Variants in EFCAB11 observed in about 807,000 individuals in gnomAD.
EFCAB11 encodes EF-hand calcium binding domain 11.
A neutral mutation model predicts 23.0 loss-of-function variants in EFCAB11; 14 were observed. The ratio of observed to expected loss-of-function variants is 0.61; its 90% confidence interval spans 0.40 to 0.95. The LOEUF (loss-of-function observed/expected upper bound fraction) is 0.95. Among genes scored for constraint, EFCAB11 ranks in the 40% least tolerant of loss-of-function variants. The pLI, the probability that EFCAB11 is intolerant of heterozygous loss-of-function variation, is 0.00. For synonymous variants in EFCAB11, 65 were observed against 66.6 expected (o/e 0.98, Z 0.11); for missense variants, 198 against 195.8 (o/e 1.01, Z -0.07).
intron 5 of EFCAB11, among the ~76,000 whole-genome samples, chr14:89,846,814 C>T (rs1887445561): frequency 6.6e-6 from 1 of 152,158 alleles, no homozygotes; most frequent in South Asian, 2.1e-4. Flanking sequence ...GTCTTTAGTT[C>T]TCTGCCTCCT....
At chr14:89,818,665 A>G (rs1289991694) in intron 5 of EFCAB11, among the ~76,000 whole-genome samples, 1 of 152,264 alleles carries the variant, frequency 6.6e-6, no homozygotes, top group Non-Finnish European at 1.5e-5. Context: ...CAATACATAA[A>G]GAACTCTCAA....
chr14:89,866,545 T>A (rs1888097501), intron 5 of EFCAB11, among the ~76,000 whole-genome samples: 2 of 151,984 alleles, frequency 1.3e-5, no homozygotes, highest in African/African-American at 4.8e-5. Flanking sequence ...GCACCAAGAG[T>A]GTTTCCTCCC....
chr14:89,875,002 G>T (rs1394574331), intron 5 of EFCAB11, among the ~76,000 whole-genome samples: 3 of 152,150 alleles, frequency 2.0e-5, no homozygotes, highest in Non-Finnish European at 2.9e-5. Flanking sequence ...CAGATCTTTG[G>T]GATGGGGGCA....
At chr14:89,879,087 A>G (rs1888527178) in intron 5 of EFCAB11, among the ~76,000 whole-genome samples, 1 of 151,874 alleles carries the variant, frequency 6.6e-6, no homozygotes, top group South Asian at 2.1e-4. Context: ...TCCTCTGATC[A>G]TTACTAAACT....
intron 5 of EFCAB11, among the ~76,000 whole-genome samples, chr14:89,875,513 G>A (rs925470690): frequency 3.9e-5 from 6 of 152,300 alleles, no homozygotes; most frequent in Admixed American, 2.6e-4. Context: ...GGTGGTAGAC[G>A]AGACAGAATT....
chr14:89,839,056 T>C (rs1887175637), intron 5 of EFCAB11, among the ~76,000 whole-genome samples: 2 of 152,162 alleles, frequency 1.3e-5, no homozygotes, highest in Admixed American at 6.5e-5. Context: ...GACAGTATTA[T>C]GGACAGAGGA....
At chr14:89,865,146 C>A (rs541266272) in intron 5 of EFCAB11, among the ~76,000 whole-genome samples, 4 of 152,178 alleles carry the variant, frequency 2.6e-5, no homozygotes, top group Non-Finnish European at 5.9e-5. Context: ...ACCACTGACA[C>A]GGGGCAAGGG....
At chr14:89,810,846 G>A (rs532734558) in intron 5 of EFCAB11, among the ~76,000 whole-genome samples, 6 of 152,016 alleles carry the variant, frequency 3.9e-5, no homozygotes, top group Non-Finnish European at 5.9e-5. Context: ...ACGCACAGTA[G>A]GTTCTGAAGA....
intron 5 of EFCAB11, among the ~76,000 whole-genome samples, chr14:89,870,402 C>T (rs368895090): frequency 1.5e-4 from 23 of 151,962 alleles, no homozygotes; most frequent in Non-Finnish European, 2.4e-4. Context: ...AGGGCTTTTA[C>T]GGGAAGACAC....
chr14:89,947,331 T>C (rs1035981955), intron 3 of EFCAB11, among the ~76,000 whole-genome samples: 50 of 152,172 alleles, frequency 3.3e-4, no homozygotes, highest in African/African-American at 1.1e-3. Flanking sequence ...CTCTCTCATC[T>C]TCCTTCCTCC....
intron 5 of EFCAB11, among the ~76,000 whole-genome samples, chr14:89,870,939 C>CAAAACA (rs546217128): frequency 1.4e-3 from 211 of 152,160 alleles, no homozygotes; most frequent in African/African-American, 4.5e-3. Flanking sequence ...GATTTTGTCT[C>CAAAACA]AAAACAAAAA....
chr14:89,913,716 C>T lies in EFCAB11; in HGVS notation c.410+17825G>A, dbSNP rs143847540. 2.4e-3 allele frequency among the ~76,000 whole-genome samples: 360 copies of T among 152,298 alleles called. 2 individuals carry two copies. The highest frequency in any genetic ancestry group is 8.1e-3 in the African/African-American group (338 of 41,566). ...CACGCTGAAGGCTTCTTCTGATTTG[C>T]TCATTCTTCCAAACATGATGCTATC... On this transcript the variant is annotated intron_variant, in intron 5 of 5. Coordinates refer to ENST00000316738, the MANE Select transcript of EFCAB11 (RefSeq NM_145231.4).
intron 5 of EFCAB11, among the ~76,000 whole-genome samples, chr14:89,886,540 A>G (rs1322059571): frequency 1.4e-5 from 2 of 138,554 alleles, no homozygotes; most frequent in East Asian, 4.0e-4. Flanking sequence ...AAAAAAAAAA[A>G]AAAAGGAAAG....
intron 5 of EFCAB11, among the ~76,000 whole-genome samples, chr14:89,919,626 G>A (rs1225297534): frequency 6.6e-6 from 1 of 152,158 alleles, no homozygotes; most frequent in Non-Finnish European, 1.5e-5. Context: ...GCAGGTAAAA[G>A]TGAGTGATAA....
chr14:89,870,028 A>G (rs2140161404), intron 5 of EFCAB11, among the ~76,000 whole-genome samples: 1 of 152,364 alleles, frequency 6.6e-6, no homozygotes, highest in Middle Eastern at 3.4e-3. Context: ...GATGGAAGAC[A>G]GAATTACAAA....
chr14:89,857,069 T>G (rs1887776265), intron 5 of EFCAB11, among the ~76,000 whole-genome samples: 1 of 152,208 alleles, frequency 6.6e-6, no homozygotes, highest in Non-Finnish European at 1.5e-5. Flanking sequence ...AAGCAGAAAA[T>G]ATAGACCTGG....
At chr14:89,927,231 T>C (rs1164538567) in intron 5 of EFCAB11, among the ~76,000 whole-genome samples, 13 of 152,214 alleles carry the variant, frequency 8.5e-5, no homozygotes, top group Non-Finnish European at 5.9e-5. Context: ...GTTTGTAAAA[T>C]TAAAGTGTAA....
At chr14:89,824,842 A>G (rs1276258415) in intron 5 of EFCAB11, among the ~76,000 whole-genome samples, 1 of 152,182 alleles carries the variant, frequency 6.6e-6, no homozygotes, top group African/African-American at 2.4e-5. Context: ...CTAATAACAG[A>G]GCTTAAAAAT....
intron 5 of EFCAB11, among the ~76,000 whole-genome samples, chr14:89,803,623 G>A (rs1339378390): frequency 6.6e-6 from 1 of 152,182 alleles, no homozygotes; most frequent in East Asian, 1.9e-4. Flanking sequence ...GATTCTTTAT[G>A]GAATAATTTA....
Sources: gnomAD v4.1 joint callset for allele counts (sites outside exome capture counted in the v4.1 genomes callset) on GRCh38, gnomAD v4.1.1 for gene constraint, MANE v1.5 for transcripts, NCBI Gene and HGNC (gene_info 2026-07-23, HGNC 2026-07-21) for gene names.